The following IPO8 variants were observed in gnomAD, a reference collection of about 807,000 sequenced individuals.
IPO8 encodes importin-8.
A neutral mutation model predicts 141.2 loss-of-function variants in IPO8; 65 were observed. That is an observed-to-expected ratio of 0.46 (90% CI 0.38 to 0.57). The LOEUF (loss-of-function observed/expected upper bound fraction) is 0.57. Ranked by LOEUF, IPO8 falls within the 20% of genes least tolerant of loss-of-function variation. The pLI is 0.00. For missense variants in IPO8, 980 were observed against 1,246.8 expected, an observed-to-expected ratio of 0.79 and a Z score of 3.22; for synonymous variants, 411 against 420.3, an observed-to-expected ratio of 0.98 and a Z score of 0.27.
At position 30,630,837 on chromosome 12, in the gene IPO8, T is replaced by A; in HGVS notation, c.*23A>T. 1 of 1,557,978 alleles carries A rather than the reference T, an allele frequency of 6.4e-7. No homozygotes were observed. The highest frequency in any genetic ancestry group is 8.8e-7 in the Non-Finnish European group (1 of 1,130,356). ...GTGAAATAAAATGCAGCGATGACATTTGGTCAGCTGATGTTCTTTCCTTCA... is the reference window on the plus strand; with the variant it reads ...GTGAAATAAAATGCAGCGATGACATATGGTCAGCTGATGTTCTTTCCTTCA... On this transcript the variant is annotated 3_prime_UTR_variant, in exon 25 of 25. Coordinates refer to ENST00000256079, the MANE Select transcript of IPO8 (RefSeq NM_006390.4).
chr12:30,660,174 G>T (rs1374100163), intron 16 of IPO8, among the ~76,000 whole-genome samples: 2 of 151,366 alleles, frequency 1.3e-5, no homozygotes, highest in Non-Finnish European at 2.9e-5. Flanking sequence ...AGTGAACCAA[G>T]ATCATGCCAC....
At chr12:30,679,732 T>C (rs1293103598) in intron 5 of IPO8, among the ~76,000 whole-genome samples, 1 of 152,184 alleles carries the variant, frequency 6.6e-6, no homozygotes, top group African/African-American at 2.4e-5. Context: ...GGATCCAAAC[T>C]ATCATGGTTT....
At chr12:30,656,171 G>A (rs2052797004) in intron 17 of IPO8, among the ~76,000 whole-genome samples, 1 of 152,098 alleles carries the variant, frequency 6.6e-6, no homozygotes, top group Non-Finnish European at 1.5e-5. Context: ...AGAGTAGCTG[G>A]CACCACAGAC....
At chr12:30,655,736 G>A (rs948416857) in intron 17 of IPO8, among the ~76,000 whole-genome samples, 1 of 152,110 alleles carries the variant, frequency 6.6e-6, no homozygotes, top group Non-Finnish European at 1.5e-5. Flanking sequence ...TTATATTCAA[G>A]TACTCTTCAA....
intron 16 of IPO8, among the ~76,000 whole-genome samples, chr12:30,658,381 T>C (rs534596395): frequency 3.0e-4 from 45 of 152,350 alleles, no homozygotes; most frequent in African/African-American, 1.0e-3. Context: ...TGGTTTTGCC[T>C]GTAATTATTC....
intron 20 of IPO8, among the ~76,000 whole-genome samples, chr12:30,647,655 AAAAATTAATGGACATCATC>A (rs1036949535): frequency 4.8e-4 from 73 of 151,804 alleles, no homozygotes; most frequent in Non-Finnish European, 6.9e-4. Context: ...AATCATAAAA[AAAAATTAATGGACATCATC>A]AAAATTAAAA....
intron 5 of IPO8, chr12:30,676,882 T>C: frequency 6.8e-7 from 1 of 1,475,036 alleles, no homozygotes; most frequent in Non-Finnish European, 9.2e-7. Flanking sequence ...AAGTGAGTGA[T>C]TTTTATGACT....
At chr12:30,633,982 AAAGAACC>A (rs2052467757) in intron 23 of IPO8, 94 bp downstream of exon 23, 1 of 1,070,750 alleles carries the variant, frequency 9.3e-7, no homozygotes, top group Admixed American at 2.8e-5. Context: ...AAAATTTTTA[AAAGAACC>A]TAGACCAATC....
chr12:30,667,647 G>A (rs567107251), intron 10 of IPO8, among the ~76,000 whole-genome samples: 15 of 152,210 alleles, frequency 9.9e-5, no homozygotes, highest in African/African-American at 3.1e-4. Flanking sequence ...AGAAGGAAAC[G>A]ATTAAAGAAA....
rs1455397064 is a variant in IPO8 at position 30,695,685 on chromosome 12, G to A, written c.-38C>T. 1.9e-6 allele frequency: 3 copies of A among 1,579,058 alleles called. No individual in the cohort carries two copies. Among genetic ancestry groups the A allele is most frequent in the South Asian group, 1.1e-5 (1 of 90,172 alleles). ...GGGCTCCGCGGCCCCCGGAACAGTA[G>A]GCCGGACTGCAGCTTTAGTTTTCTT... On this transcript the variant is annotated 5_prime_UTR_variant, in exon 1 of 25. Coordinates refer to ENST00000256079, the MANE Select transcript of IPO8 (RefSeq NM_006390.4). This position sits in a 1 kb window ranked among gnomAD's most constrained non-coding sequence, Gnocchi z 4.2.
intron 16 of IPO8, among the ~76,000 whole-genome samples, 198 bp downstream of exon 16, chr12:30,660,943 T>A (rs1426848762): frequency 3.0e-5 from 1 of 32,806 alleles, no homozygotes; most frequent in African/African-American, 2.3e-4. Flanking sequence ...ATTATAATAT[T>A]ACAAATATTA....
chr12:30,644,210 A>T (rs988765557), intron 20 of IPO8, among the ~76,000 whole-genome samples: 2 of 152,032 alleles, frequency 1.3e-5, no homozygotes, highest in Non-Finnish European at 2.9e-5. Context: ...TTTACAAAAA[A>T]TTTGAAAATG....
intron 3 of IPO8, 70 bp downstream of exon 3, chr12:30,684,231 C>T: frequency 7.1e-7 from 1 of 1,410,618 alleles, no homozygotes; most frequent in Non-Finnish European, 9.9e-7. Context: ...GGATTAGATC[C>T]AACAGCACCC....
At chr12:30,676,055 T>C (rs1388466901) in intron 6 of IPO8, among the ~76,000 whole-genome samples, 1 of 152,032 alleles carries the variant, frequency 6.6e-6, no homozygotes, top group Non-Finnish European at 1.5e-5. Flanking sequence ...GCTTCCCAAG[T>C]AGCTGGCACA....
intron 4 of IPO8, among the ~76,000 whole-genome samples, 185 bp downstream of exon 4, chr12:30,681,474 C>T (rs2053187710): frequency 6.6e-6 from 1 of 152,152 alleles, no homozygotes; most frequent in African/African-American, 2.4e-5. Flanking sequence ...TAGCAATATC[C>T]ATCAGCACAT....
In IPO8 at chr12:30,695,820, C is replaced by G; in HGVS notation, c.-173G>C. The G allele has an allele frequency of 1.8e-6, 1 of 556,148 alleles. No individual in the cohort carries two copies. Among genetic ancestry groups the G allele is most frequent in the Non-Finnish European group, 3.2e-6 (1 of 311,710 alleles). 34.5% of individuals were successfully genotyped at this position (556,148 alleles called of 1,614,324 possible). The stretch of plus-strand genomic sequence containing the variant: ...CTGCGCCACTCTGACTCCGCGCCCC[C>G]TGTCCTCCCTTTTTCCCCCCCACAA... On this transcript the variant is annotated 5_prime_UTR_variant, in exon 1 of 25. Transcript: ENST00000256079. The surrounding 1 kb of genome is among the most constrained non-coding windows in gnomAD (Gnocchi z 4.2).
At chr12:30,667,012 T>C (rs115969723) in intron 10 of IPO8, among the ~76,000 whole-genome samples, 1 of 152,206 alleles carries the variant, frequency 6.6e-6, no homozygotes, top group Admixed American at 6.5e-5. Flanking sequence ...AGTTTCAGAA[T>C]AGGCAGTTTT....
chr12:30,662,569 T>A (rs73077877), intron 14 of IPO8, 82 bp from the exon 15 acceptor site: 77,858 of 1,048,176 alleles, frequency 0.074, 3,365 homozygotes, highest in Middle Eastern at 0.11. Flanking sequence ...CAAGGTCAAG[T>A]GACCCAGGGT....
At position 30,666,230 on chromosome 12, in the gene IPO8, G is replaced by A; in HGVS notation, c.1166C>T (p.Ser389Phe). 2 of 1,589,854 alleles carry A rather than the reference G, an allele frequency of 1.3e-6. No individual in the cohort carries two copies. Among genetic ancestry groups the A allele is most frequent in the Non-Finnish European group, 1.7e-6 (2 of 1,165,700 alleles). Residue 389 changes from serine to phenylalanine, a missense_variant, in exon 11 of 25, where the codon TCT (serine) becomes TTT (phenylalanine). Coordinates refer to ENST00000256079, the MANE Select transcript of IPO8 (RefSeq NM_006390.4). Reference sequence around the variant, plus strand: ...GAGAGTCTGGGCTGCTGTGGTGGGAGAAGCATAATCTTCAAAAATATCTAA... The same window carrying A: ...GAGAGTCTGGGCTGCTGTGGTGGGAAAAGCATAATCTTCAAAAATATCTAA... ...MKFDIFEDYA[S>F]PTTAAQTLLY... is the part of the protein sequence containing the mutation.
Sources: gnomAD v4.1 joint callset for allele counts (sites outside exome capture counted in the v4.1 genomes callset) on GRCh38, gnomAD v4.1.1 for gene constraint, Gnocchi (gnomAD v3.1) non-coding constraint, MANE v1.5 for transcripts, NCBI Gene and HGNC (gene_info 2026-07-23, HGNC 2026-07-21) for gene names.